ARHGAP25: variants seen among roughly 807,000 people sequenced by gnomAD.
The protein encoded by ARHGAP25 is rho GTPase-activating protein 25.
Under a neutral mutation model 71.0 loss-of-function variants are expected in ARHGAP25, and 34 were observed. The ratio of observed to expected loss-of-function variants is 0.48; its 90% confidence interval spans 0.36 to 0.64. The LOEUF is 0.64. Among genes scored for constraint, ARHGAP25 ranks in the 30% least tolerant of loss-of-function variants. The pLI is 0.00. For missense variants in ARHGAP25, 706 were observed against 805.1 expected, an observed-to-expected ratio of 0.88 and a Z score of 1.49; for synonymous variants, 282 against 296.5, an observed-to-expected ratio of 0.95 and a Z score of 0.50.
intron 2 of ARHGAP25, among the ~76,000 whole-genome samples, chr2:68,722,094 T>C (rs2104257753): frequency 6.6e-6 from 1 of 152,254 alleles, no homozygotes; most frequent in East Asian, 1.9e-4. Flanking sequence ...TTTCTCACTC[T>C]TTTGAGTGAC....
chr2:68,777,805 G>A (rs1035579415), intron 2 of ARHGAP25, among the ~76,000 whole-genome samples: 4 of 152,102 alleles, frequency 2.6e-5, no homozygotes, highest in Non-Finnish European at 5.9e-5. Flanking sequence ...ATGTTGATAT[G>A]TATCATTTGA....
chr2:68,725,076 C>T (rs1390400498), intron 2 of ARHGAP25, among the ~76,000 whole-genome samples: 9 of 152,192 alleles, frequency 5.9e-5, no homozygotes, highest in Non-Finnish European at 1.2e-4. Context: ...CACAGTTAGA[C>T]TCTGGGCTGA....
intron 5 of ARHGAP25, among the ~76,000 whole-genome samples, chr2:68,812,282 A>G (rs1680882742): frequency 6.6e-6 from 1 of 152,118 alleles, no homozygotes; most frequent in South Asian, 2.1e-4. Context: ...TTTTTCCCCC[A>G]GCTATTTAAA....
intron 2 of ARHGAP25, 146 bp downstream of exon 2, chr2:68,775,566 T>C: frequency 8.1e-7 from 1 of 1,232,114 alleles, no homozygotes; most frequent in South Asian, 1.3e-5. Context: ...CTTTACACCA[T>C]TTTCTAGATA....
chr2:68,737,072 A>G (rs774759999), intron 1 of ARHGAP25, among the ~76,000 whole-genome samples: 33 of 152,226 alleles, frequency 2.2e-4, no homozygotes, highest in Non-Finnish European at 3.5e-4. Flanking sequence ...TAATAAGGAC[A>G]TAATGAAATA....
chr2:68,794,365 T>C (rs1679393590), intron 4 of ARHGAP25, among the ~76,000 whole-genome samples: 1 of 152,202 alleles, frequency 6.6e-6, no homozygotes, highest in African/African-American at 2.4e-5. Context: ...GAGGGAATAC[T>C]TTTGACTTTC....
intron 2 of ARHGAP25, among the ~76,000 whole-genome samples, chr2:68,729,777 A>G (rs1033232997): frequency 2.0e-5 from 3 of 152,164 alleles, no homozygotes; most frequent in African/African-American, 4.8e-5. Context: ...TTCACATACC[A>G]TGCAATTCAC....
At chr2:68,776,993 G>A (rs1435227960) in intron 2 of ARHGAP25, among the ~76,000 whole-genome samples, 4 of 152,164 alleles carry the variant, frequency 2.6e-5, no homozygotes, top group Non-Finnish European at 4.4e-5. Context: ...CTGAACTCTG[G>A]AGTCTCTGTC....
At chr2:68,759,813 A>G (rs750966270) in intron 1 of ARHGAP25, among the ~76,000 whole-genome samples, 10 of 152,028 alleles carry the variant, frequency 6.6e-5, no homozygotes, top group Non-Finnish European at 2.9e-5. Context: ...AAATTTTCAA[A>G]AGAATTGAAA....
chr2:68,724,627 A>G (rs1042711642), intron 2 of ARHGAP25, among the ~76,000 whole-genome samples: 4 of 152,214 alleles, frequency 2.6e-5, no homozygotes, highest in Admixed American at 2.6e-4. Flanking sequence ...CCTCTGCCCT[A>G]AACACCAGAC....
intron 4 of ARHGAP25, among the ~76,000 whole-genome samples, chr2:68,798,517 G>GGA (rs1679736579): frequency 1.4e-5 from 2 of 146,822 alleles, no homozygotes; most frequent in Admixed American, 6.8e-5. Flanking sequence ...AGAGGAGAGA[G>GGA]AAAAAAAAAA....
upstream of ARHGAP25, among the ~76,000 whole-genome samples, chr2:68,730,911 G>T (rs1675006331): frequency 6.6e-6 from 1 of 152,094 alleles, no homozygotes. Flanking sequence ...CGCCTTTCCT[G>T]GGATGCCACC....
In ARHGAP25 at chr2:68,822,500, C is replaced by A; in HGVS notation, c.1361C>A (p.Ala454Asp). The A allele has an allele frequency of 2.5e-6, 4 of 1,614,220 alleles. No individual in the cohort carries two copies. Among genetic ancestry groups the A allele is most frequent in the Non-Finnish European group, 3.4e-6 (4 of 1,180,044 alleles). The change falls in exon 10 of 11, where the codon GCT (alanine) becomes GAT (aspartate). Residue 454 changes from alanine (A) to aspartate (D), a missense_variant. By Grantham distance (126) the Ala-to-Asp change is moderately radical. Coordinates refer to ENST00000409202, the MANE Select transcript of ARHGAP25 (RefSeq NM_001007231.3). ...AACCGGAAATGTTTCTTGACATCAGCTTTTCAGGGTGCCAACAGCAGCAAA... is the reference window on the plus strand; with the variant it reads ...AACCGGAAATGTTTCTTGACATCAGATTTTCAGGGTGCCAACAGCAGCAAA... ...LPNRKCFLTSAFQGANSSKME... is the reference protein window; with the variant it reads ...LPNRKCFLTSDFQGANSSKME...
chr2:68,729,610 G>T (rs1211178879), intron 2 of ARHGAP25, among the ~76,000 whole-genome samples: 1 of 152,156 alleles, frequency 6.6e-6, no homozygotes, highest in African/African-American at 2.4e-5. Context: ...AACTGAAAAT[G>T]ATTTATAATA....
chr2:68,773,489 G>A (rs1235858297), intron 1 of ARHGAP25, among the ~76,000 whole-genome samples: 1 of 152,194 alleles, frequency 6.6e-6, no homozygotes, highest in Non-Finnish European at 1.5e-5. Flanking sequence ...AATAGGCACT[G>A]AGGACTCCAA....
intron 9 of ARHGAP25, chr2:68,819,656 G>A: frequency 1.8e-6 from 1 of 542,796 alleles, no homozygotes; most frequent in Non-Finnish European, 3.3e-6. Flanking sequence ...TAAATGTTTT[G>A]GTCAGAATTG....
chr2:68,823,492 A>T (rs1478672560), intron 10 of ARHGAP25, among the ~76,000 whole-genome samples: 2 of 152,150 alleles, frequency 1.3e-5, no homozygotes, highest in African/African-American at 2.4e-5. Context: ...CCTGAAGGAG[A>T]TGAGGAGCAA....
chr2:68,771,164 G>A (rs1202880403), intron 1 of ARHGAP25, among the ~76,000 whole-genome samples: 1 of 152,172 alleles, frequency 6.6e-6, no homozygotes, highest in Non-Finnish European at 1.5e-5. Context: ...CTAGGGGCTT[G>A]CTCATCCTCT....
intron 2 of ARHGAP25, among the ~76,000 whole-genome samples, chr2:68,777,870 T>C (rs1371023161): frequency 6.6e-6 from 1 of 152,214 alleles, no homozygotes; most frequent in Non-Finnish European, 1.5e-5. Flanking sequence ...TAGCCACCTA[T>C]ATCCCCTCCA....
Sources: allele counts gnomAD v4.1 joint callset (sites outside exome capture counted in the v4.1 genomes callset), GRCh38; gene constraint gnomAD v4.1.1; transcripts MANE v1.5; gene names NCBI Gene and HGNC (gene_info 2026-07-23, HGNC 2026-07-21).